The following TAFA2 variants were observed in gnomAD, a reference collection of about 807,000 sequenced individuals.
TAFA2 encodes TAFA chemokine like family member 2, also known as chemokine-like protein TAFA-2.
Under a neutral mutation model 18.8 loss-of-function variants are expected in TAFA2, and 7 were observed. The ratio of observed to expected loss-of-function variants is 0.37; its 90% confidence interval spans 0.21 to 0.70. TAFA2 has a LOEUF of 0.70. Ranked by LOEUF, TAFA2 falls within the 30% of genes least tolerant of loss-of-function variation. The pLI is 0.53. For synonymous variants in TAFA2, 60 were observed against 54.2 expected, an observed-to-expected ratio of 1.11 and a Z score of -0.47; for missense variants, 122 against 158.1, an observed-to-expected ratio of 0.77 and a Z score of 1.23.
At chr12:61,863,891 A>G (rs922510585) in intron 2 of TAFA2, among the ~76,000 whole-genome samples, 2 of 152,124 alleles carry the variant, frequency 1.3e-5, no homozygotes, top group African/African-American at 4.8e-5. Context: ...ACAAGGGTAG[A>G]CGAGGCCATC....
At chr12:62,184,790 G>A (rs896391525) in intron 1 of TAFA2, among the ~76,000 whole-genome samples, 12 of 151,788 alleles carry the variant, frequency 7.9e-5, no homozygotes, top group East Asian at 1.9e-4. Context: ...ATGAGCCACC[G>A]TGCCTGGCTG....
rs150664037 is a variant in TAFA2 at position 61,948,768 on chromosome 12, T to C, written c.-1-81342A>G. Among the ~76,000 whole-genome samples the C allele has an allele frequency of 3.3e-5, 5 of 152,280 alleles. No individual in the cohort carries two copies. In the East Asian group the frequency reaches 9.7e-4, roughly 29 times the overall value. On this transcript the variant is annotated intron_variant, in intron 1 of 4. Transcript: ENST00000416284. ...TGTTTGCATTGTAATCCTTAAATGA[T>C]ATACATGTTTTATGTGATAACAACA...
chr12:62,182,358 G>C (rs576937045), intron 1 of TAFA2, among the ~76,000 whole-genome samples: 1 of 152,300 alleles, frequency 6.6e-6, no homozygotes, highest in South Asian at 2.1e-4. Context: ...TTTGGAGTCA[G>C]TGACCAGGTT....
chr12:62,251,918 G>A (rs1435029258), intron 1 of TAFA2, among the ~76,000 whole-genome samples: 1 of 152,136 alleles, frequency 6.6e-6, no homozygotes, highest in Non-Finnish European at 1.5e-5. Context: ...GATGTTAATG[G>A]CACAGTAGAT....
intron 1 of TAFA2, among the ~76,000 whole-genome samples, chr12:62,181,996 C>CCCT (rs1555196487): frequency 5.4e-5 from 8 of 148,666 alleles, no homozygotes; most frequent in Admixed American, 2.0e-4. Context: ...TCCATCCCCC[C>CCCT]CCCGCTACAC....
chr12:61,923,887 C>A (rs1159652928), intron 1 of TAFA2, among the ~76,000 whole-genome samples: 2 of 151,508 alleles, frequency 1.3e-5, no homozygotes, highest in Non-Finnish European at 2.9e-5. Flanking sequence ...ATTTAGAGAA[C>A]ATAGATGACC....
chr12:61,956,258 C>A (rs1878691631), intron 1 of TAFA2, among the ~76,000 whole-genome samples: 1 of 151,976 alleles, frequency 6.6e-6, no homozygotes, highest in African/African-American at 2.4e-5. Flanking sequence ...TTTTCATATA[C>A]TAATACATCT....
chr12:62,178,677 C>A (rs1417483441), intron 1 of TAFA2, among the ~76,000 whole-genome samples: 2 of 152,178 alleles, frequency 1.3e-5, no homozygotes, highest in Non-Finnish European at 2.9e-5. Flanking sequence ...CATGCAGATG[C>A]TGCATGTGGC....
At chr12:62,119,613 C>T (rs902874169) in intron 1 of TAFA2, among the ~76,000 whole-genome samples, 3 of 152,098 alleles carry the variant, frequency 2.0e-5, no homozygotes, top group African/African-American at 4.8e-5. Flanking sequence ...CTCTTTTGAA[C>T]GCTGCTTTAA....
intron 1 of TAFA2, among the ~76,000 whole-genome samples, chr12:62,176,127 T>C (rs185442773): frequency 8.8e-4 from 134 of 152,264 alleles, no homozygotes; most frequent in African/African-American, 3.1e-3. Flanking sequence ...GCTGCCTGCA[T>C]TGTCATATTA....
intron 1 of TAFA2, among the ~76,000 whole-genome samples, chr12:61,901,543 T>C (rs1294582800): frequency 1.3e-5 from 2 of 152,096 alleles, no homozygotes; most frequent in Non-Finnish European, 2.9e-5. Context: ...AACAAATATA[T>C]GGTACTTCTA....
intron 1 of TAFA2, among the ~76,000 whole-genome samples, chr12:61,999,974 T>C (rs918619035): frequency 1.3e-5 from 2 of 152,188 alleles, no homozygotes; most frequent in African/African-American, 4.8e-5. Context: ...GAAATTTTCA[T>C]ACATTTCCAA....
Position 61,990,522 on chromosome 12 carries a change from A to G in TAFA2, c.-1-123096T>C, listed in dbSNP as rs1879969960. Reference sequence around the variant, plus strand: ...GTCCGGCTAATTTTTTGCATTTTTAATAGAGACGGGGTTTCACCATGTTAG... The same window carrying G: ...GTCCGGCTAATTTTTTGCATTTTTAGTAGAGACGGGGTTTCACCATGTTAG... On this transcript the variant is annotated intron_variant, in intron 1 of 4. Coordinates refer to ENST00000416284, the MANE Select transcript of TAFA2 (RefSeq NM_178539.5). Among the ~76,000 whole-genome samples, 5 of 151,714 alleles carry G rather than the reference A, an allele frequency of 3.3e-5. No homozygotes were observed. The South Asian group carries it at 1.0e-3, about 32-fold the overall frequency.
intron 4 of TAFA2, among the ~76,000 whole-genome samples, chr12:61,711,766 A>G (rs1013582824): frequency 3.3e-5 from 5 of 151,972 alleles, no homozygotes; most frequent in Admixed American, 3.3e-4. Flanking sequence ...CTTTGCCTGC[A>G]TATTTGAAGT....
intron 2 of TAFA2, among the ~76,000 whole-genome samples, chr12:61,772,141 A>C (rs1300672321): frequency 6.6e-6 from 1 of 151,970 alleles, no homozygotes; most frequent in Non-Finnish European, 1.5e-5. Flanking sequence ...GAGATGGATA[A>C]ATTTCTGAAA....
chr12:61,982,710 G>C (rs1448980585), intron 1 of TAFA2, among the ~76,000 whole-genome samples: 5 of 151,902 alleles, frequency 3.3e-5, no homozygotes, highest in Non-Finnish European at 7.4e-5. Context: ...ATATGGATAA[G>C]AGAGAAAGAT....
chr12:61,884,825 A>C (rs1268625911), intron 1 of TAFA2, among the ~76,000 whole-genome samples: 1 of 152,190 alleles, frequency 6.6e-6, no homozygotes, highest in Admixed American at 6.5e-5. Flanking sequence ...AGAGAAAAAG[A>C]AAAAAGAAGC....
chr12:61,928,159 T>C (rs1283404187), intron 1 of TAFA2, among the ~76,000 whole-genome samples: 6 of 152,168 alleles, frequency 3.9e-5, no homozygotes, highest in Non-Finnish European at 5.9e-5. Flanking sequence ...AATTGACGAA[T>C]GGGATCTAAT....
intron 1 of TAFA2, among the ~76,000 whole-genome samples, chr12:62,170,650 A>ACATGC (rs1322161073): frequency 6.6e-6 from 1 of 151,628 alleles, no homozygotes; most frequent in Non-Finnish European, 1.5e-5. Context: ...TAAGGGGTAC[A>ACATGC]CATGCAGTTT....
Sources: gnomAD v4.1 joint callset for allele counts (sites outside exome capture counted in the v4.1 genomes callset) on GRCh38, gnomAD v4.1.1 for gene constraint, MANE v1.5 for transcripts, NCBI Gene and HGNC (gene_info 2026-07-23, HGNC 2026-07-21) for gene names.